Variants in RIPOR1 observed in about 807,000 individuals in gnomAD.
RIPOR1 encodes the protein rho family-interacting cell polarization regulator 1.
RIPOR1 carries 58 observed loss-of-function variants against 116.5 expected under a neutral mutation model. That is an observed-to-expected ratio of 0.50 (90% confidence interval 0.40 to 0.62). RIPOR1 has a LOEUF of 0.62. RIPOR1 is among the 20% of genes least tolerant of loss of function. The pLI is 0.00. For missense variants in RIPOR1, 1,372 were observed against 1,586.2 expected, an observed-to-expected ratio of 0.86 and a Z score of 2.29; for synonymous variants, 605 against 650.0, an observed-to-expected ratio of 0.93 and a Z score of 1.05.
In RIPOR1 at chr16:67,540,447, C is replaced by G. The variant is rs565995739; in HGVS notation, c.632-11C>G. Reference sequence around the variant, plus strand: ...TGGCTCACCGACTTCTCCCCTTCTCCTCCAACTCAGGGCTGGCTGGCTTCG... The same window carrying G: ...TGGCTCACCGACTTCTCCCCTTCTCGTCCAACTCAGGGCTGGCTGGCTTCG... On this transcript the variant is annotated splice_polypyrimidine_tract_variant and intron_variant, in intron 8 of 21. Coordinates refer to ENST00000042381, the MANE Select transcript of RIPOR1 (RefSeq NM_024519.4). The surrounding 1 kb of genome is among the most constrained non-coding windows in gnomAD (Gnocchi z 4.7). 3.7e-6 allele frequency: 6 copies of G among 1,614,126 alleles called. No homozygotes were observed. The highest frequency in any genetic ancestry group is 5.1e-6 in the Non-Finnish European group (6 of 1,180,028).
chr16:67,539,685 C>T, intron 4 of RIPOR1, 43 bp from the exon 5 acceptor site: 1 of 1,613,250 alleles, frequency 6.2e-7, no homozygotes, highest in Non-Finnish European at 8.5e-7. Flanking sequence ...TGGAGTCCTC[C>T]TCATCCCTCC....
In RIPOR1 at chr16:67,545,430, A is replaced by T; in HGVS notation, c.3086A>T (p.Gln1029Leu). 1 of 1,614,050 alleles carries T rather than the reference A, an allele frequency of 6.2e-7. No homozygotes were observed. The highest frequency in any genetic ancestry group is 8.5e-7 in the Non-Finnish European group (1 of 1,180,030). The change falls in exon 18 of 22, where the codon CAG (glutamine) becomes CTG (leucine). Residue 1029 changes from glutamine to leucine, a missense_variant. Physicochemically the swap from Gln to Leu is moderately radical, Grantham distance 113. Around this residue, in one of 3 missense-constraint regions of RIPOR1, gnomAD observed 1,005 missense variants for 1,144.7 expected, o/e 0.88. Transcript: ENST00000042381. This position sits in a 1 kb window ranked among gnomAD's most constrained non-coding sequence, Gnocchi z 4.8. ...GGGCAGAAGCTGCCCAGAAGGCCCCAGCCAGGGCCTGGAGAGCAGCTCACA... is the reference window on the plus strand; with the variant it reads ...GGGCAGAAGCTGCCCAGAAGGCCCCTGCCAGGGCCTGGAGAGCAGCTCACA... ...ALGQKLPRRP[Q>L]PGPGEQLTVF...
chr16:67,540,446 C>T lies in RIPOR1; in HGVS notation c.632-12C>T. 1.2e-6 allele frequency: 2 copies of T among 1,612,962 alleles called. No individual in the cohort carries two copies. Among genetic ancestry groups the T allele is most frequent in the Middle Eastern group, 1.7e-4 (1 of 6,054 alleles). Reference sequence around the variant, plus strand: ...ATGGCTCACCGACTTCTCCCCTTCTCCTCCAACTCAGGGCTGGCTGGCTTC... The same window carrying T: ...ATGGCTCACCGACTTCTCCCCTTCTTCTCCAACTCAGGGCTGGCTGGCTTC... On this transcript the variant is annotated splice_polypyrimidine_tract_variant and intron_variant, in intron 8 of 21. Transcript: ENST00000042381. The surrounding 1 kb of genome is among the most constrained non-coding windows in gnomAD (Gnocchi z 4.7).
chr16:67,538,281 C>A, intron 1 of RIPOR1, 143 bp from the exon 2 acceptor site: 1 of 1,086,476 alleles, frequency 9.2e-7, no homozygotes, highest in Non-Finnish European at 1.3e-6. Flanking sequence ...CCCGGGTCGG[C>A]GGGACTAGGC....
chr16:67,541,838 G>C lies in RIPOR1; in HGVS notation c.1081-29G>C, dbSNP rs1252503653. 16 of 1,612,824 alleles carry C rather than the reference G, an allele frequency of 9.9e-6. No homozygotes were observed. The highest frequency in any genetic ancestry group is 1.4e-5 in the Non-Finnish European group (16 of 1,179,184). On this transcript the variant is annotated intron_variant, in intron 12 of 21. Coordinates refer to ENST00000042381, the MANE Select transcript of RIPOR1 (RefSeq NM_024519.4). This position sits in a 1 kb window ranked among gnomAD's most constrained non-coding sequence, Gnocchi z 4.6. The stretch of plus-strand genomic sequence containing the variant: ...ATCCCCCAGAGGCTCCCTGGGGGTG[G>C]TTCTGAAATGCCCTCTCCTCTTTCT...
rs1251674028 is a variant in RIPOR1, at chr16:67,531,631, G to T, written c.-24+2717G>T. ...GGTCAGATTCTGAAGAACCTTGCAG[G>T]TATTGAGAGAGGGTCTCAGTTGCTG... is the stretch of plus-strand genomic sequence containing the variant. On this transcript the variant is annotated intron_variant, in intron 1 of 21. Transcript: ENST00000042381. The surrounding 1 kb of genome is among the most constrained non-coding windows in gnomAD (Gnocchi z 4.2). 1 of 454,930 alleles carries T rather than the reference G, an allele frequency of 2.2e-6. No individual in the cohort carries two copies. The highest frequency in any genetic ancestry group is 7.0e-5 in the East Asian group (1 of 14,300). 28.2% of individuals were successfully genotyped at this position (454,930 alleles called of 1,614,324 possible).
At chr16:67,524,895 G>A (rs932853147), upstream of RIPOR1, among the ~76,000 whole-genome samples, 1 of 152,172 alleles carries the variant, frequency 6.6e-6, no homozygotes, top group Non-Finnish European at 1.5e-5. Context: ...CACAGTGCCT[G>A]AGTGACGTTT....
Position 67,537,316 on chromosome 16 carries a change from A to G in RIPOR1, c.-23-1108A>G. 1 of 1,102,678 alleles carries G rather than the reference A, an allele frequency of 9.1e-7. No individual in the cohort carries two copies. Among genetic ancestry groups the G allele is most frequent in the Non-Finnish European group, 1.1e-6 (1 of 874,894 alleles). The allele number at this position is 1,102,678 out of a possible 1,614,324, so 68.3% of individuals were successfully genotyped here. ...TTCATCCCCATGCTCAAATCCCTTT[A>G]CGCACATTGCTGACCCCAGCTGAGC... On this transcript the variant is annotated intron_variant, in intron 1 of 21. Coordinates refer to ENST00000042381, the MANE Select transcript of RIPOR1 (RefSeq NM_024519.4). This position sits in a 1 kb window ranked among gnomAD's most constrained non-coding sequence, Gnocchi z 4.6.
At chr16:67,533,321 G>A (rs2050709525) in intron 1 of RIPOR1, among the ~76,000 whole-genome samples, 1 of 152,160 alleles carries the variant, frequency 6.6e-6, no homozygotes, top group African/African-American at 2.4e-5. Context: ...TCAGAAGAGT[G>A]GCTTGGGTGG....
chr16:67,544,285 C>T lies in RIPOR1; in HGVS notation c.2601-14C>T, dbSNP rs748029336. ...TGTGTGCCTGTGGGGTGGTGGACCCCATTTTTCCCTCAGGCCTCCAAGCAG... is the reference window on the plus strand; with the variant it reads ...TGTGTGCCTGTGGGGTGGTGGACCCTATTTTTCCCTCAGGCCTCCAAGCAG... On this transcript the variant is annotated splice_polypyrimidine_tract_variant and intron_variant, in intron 14 of 21. Transcript: ENST00000042381. The surrounding 1 kb of genome is among the most constrained non-coding windows in gnomAD (Gnocchi z 5.1). 6.3e-7 allele frequency: 1 copy of T among 1,589,568 alleles called. No individual in the cohort carries two copies. Among genetic ancestry groups the T allele is most frequent in the Non-Finnish European group, 8.6e-7 (1 of 1,161,222 alleles).
Position 67,537,576 on chromosome 16 carries a change from A to C in RIPOR1, c.-23-848A>C, listed in dbSNP as rs1392271636. The C allele has an allele frequency of 7.0e-7, 1 of 1,419,512 alleles. No homozygotes were observed. The highest frequency in any genetic ancestry group is 1.5e-5 in the African/African-American group (1 of 67,476). The allele number at this position is 1,419,512 out of a possible 1,614,324, so 87.9% of individuals were successfully genotyped here. ...GCGGGTCGGGGGCCGTCCCGGACCC[A>C]CCATGAACACCAAGAAGAGAGGTAG... is the stretch of plus-strand genomic sequence containing the variant. On this transcript the variant is annotated intron_variant, in intron 1 of 21. Transcript: ENST00000042381. This position sits in a 1 kb window ranked among gnomAD's most constrained non-coding sequence, Gnocchi z 4.6.
At chr16:67,520,913 C>T (rs1240190994) in intron 1 of RIPOR1, among the ~76,000 whole-genome samples, 1 of 152,120 alleles carries the variant, frequency 6.6e-6, no homozygotes, top group Non-Finnish European at 1.5e-5. Flanking sequence ...TCTTGGATCA[C>T]AGAAGCCAAA....
In RIPOR1 at chr16:67,530,338, C is replaced by T. The variant is rs975055253; in HGVS notation, c.-24+1424C>T. Among the ~76,000 whole-genome samples, 1 of 152,222 alleles carries T rather than the reference C, an allele frequency of 6.6e-6. No homozygotes were observed. Among genetic ancestry groups the T allele is most frequent in the African/African-American group, 2.4e-5 (1 of 41,456 alleles). On this transcript the variant is annotated intron_variant, in intron 1 of 21. Coordinates refer to ENST00000042381, the MANE Select transcript of RIPOR1 (RefSeq NM_024519.4). This position sits in a 1 kb window ranked among gnomAD's most constrained non-coding sequence, Gnocchi z 4.5. The stretch of plus-strand genomic sequence containing the variant: ...GCAGGAAGTGAGGCCACCCGACAGC[C>T]TCCGCCCGGTTCCGGGGTGGGGGGT...
chr16:67,546,158 GC>G lies in RIPOR1; in HGVS notation c.3493del (p.Leu1165TrpfsTer12). 6.2e-7 allele frequency: 1 copy of G among 1,613,986 alleles called. No homozygotes were observed. The highest frequency in any genetic ancestry group is 8.5e-7 in the Non-Finnish European group (1 of 1,180,012). ...CCTGACAGGCTCCCGAGGGCATTGAGCCCCTGGTGTACCTCTGCCAAACTGA... is the reference window on the plus strand; with the variant it reads ...CCTGACAGGCTCCCGAGGGCATTGAGCCCTGGTGTACCTCTGCCAAACTGA... ...GCIKAPEGIE[P>X]LVYLCQTDTE... On this transcript the variant is annotated frameshift_variant, in exon 21 of 22. Coordinates refer to ENST00000042381, the MANE Select transcript of RIPOR1 (RefSeq NM_024519.4). LOFTEE classifies it high-confidence loss of function.
chr16:67,541,998 G>A lies in RIPOR1; in HGVS notation c.1212G>A (p.Val404=). ...ARHSPAPRPL[V]QQPEPLPIQV... The stretch of plus-strand genomic sequence containing the variant: ...ACTCACCAGCCCCTAGGCCCCTGGT[G>A]CAGCAGCCCGAGCCCCTTCCCATCC... Residue 404 remains valine (V), a synonymous_variant, in exon 13 of 22, where the codon GTG becomes GTA. Coordinates refer to ENST00000042381, the MANE Select transcript of RIPOR1 (RefSeq NM_024519.4). This position sits in a 1 kb window ranked among gnomAD's most constrained non-coding sequence, Gnocchi z 4.6. 6.2e-7 allele frequency: 1 copy of A among 1,611,872 alleles called. No individual in the cohort carries two copies. Among genetic ancestry groups the A allele is most frequent in the Non-Finnish European group, 8.5e-7 (1 of 1,179,224 alleles).
intron 1 of RIPOR1, among the ~76,000 whole-genome samples, chr16:67,519,944 C>G (rs2050479949): frequency 6.6e-6 from 1 of 150,724 alleles, no homozygotes; most frequent in Non-Finnish European, 1.5e-5. Flanking sequence ...CACCTGTAAT[C>G]CCAGCTACTC....
intron 1 of RIPOR1, among the ~76,000 whole-genome samples, chr16:67,533,135 G>C (rs766316059): frequency 2.6e-5 from 4 of 152,192 alleles, no homozygotes; most frequent in Non-Finnish European, 5.9e-5. Context: ...TCTAGTTTCT[G>C]TCTTGAACAA....
Position 67,530,882 on chromosome 16 carries a change from G to A in RIPOR1, c.-24+1968G>A, listed in dbSNP as rs1283995108. Among the ~76,000 whole-genome samples, 1 of 151,756 alleles carries A rather than the reference G, an allele frequency of 6.6e-6. No homozygotes were observed. Among genetic ancestry groups the A allele is most frequent in the Admixed American group, 6.6e-5 (1 of 15,250 alleles). ...CAGCCAGTCCCCCACCAGTTGAGGT[G>A]GCCCTTCTGCCTTAGCTCAAGGGGT... On this transcript the variant is annotated intron_variant, in intron 1 of 21. Coordinates refer to ENST00000042381, the MANE Select transcript of RIPOR1 (RefSeq NM_024519.4). The surrounding 1 kb of genome is among the most constrained non-coding windows in gnomAD (Gnocchi z 4.5).
Position 67,531,896 on chromosome 16 carries a change from T to C in RIPOR1, c.-24+2982T>C, listed in dbSNP as rs1000578530. Among the ~76,000 whole-genome samples the C allele has an allele frequency of 2.0e-5, 3 of 152,024 alleles. No homozygotes were observed. The highest frequency in any genetic ancestry group is 2.0e-4 in the Admixed American group (3 of 15,272). ...GACACTTACCACCTGTGTGACTGTT[T>C]TGTTTTGTTTTTTGAGACAGAGTCT... On this transcript the variant is annotated intron_variant, in intron 1 of 21. Coordinates refer to ENST00000042381, the MANE Select transcript of RIPOR1 (RefSeq NM_024519.4). This position sits in a 1 kb window ranked among gnomAD's most constrained non-coding sequence, Gnocchi z 4.2.
Sources: gnomAD v4.1 joint callset for allele counts (sites outside exome capture counted in the v4.1 genomes callset) on GRCh38, gnomAD v4.1.1 for gene constraint, gnomAD v4.1.1 regional missense constraint, Gnocchi (gnomAD v3.1) non-coding constraint, MANE v1.5 for transcripts, NCBI Gene and HGNC (gene_info 2026-07-23, HGNC 2026-07-21) for gene names.